The following SERPINE2 variants were observed in gnomAD, a reference collection of about 807,000 sequenced individuals.
SERPINE2 encodes the protein glia-derived nexin.
SERPINE2 carries 14 observed loss-of-function variants against 36.3 expected under a neutral mutation model. The observed-to-expected ratio is 0.39, with a 90% CI of 0.25 to 0.60. SERPINE2 has a LOEUF of 0.60. Ranked by LOEUF, SERPINE2 falls within the 20% of genes least tolerant of loss-of-function variation. The pLI is 0.57. For synonymous variants in SERPINE2, 192 were observed against 191.8 expected (o/e 1.00, Z -0.01); for missense variants, 418 against 499.6 (o/e 0.84, Z 1.56).
intron 4 of SERPINE2, 53 bp from the exon 5 acceptor site, chr2:223,985,003 G>A: frequency 6.5e-7 from 1 of 1,530,352 alleles, no homozygotes; most frequent in East Asian, 2.3e-5. Context: ...CTAGAAGCAG[G>A]ATGAGTGCTT....
chr2:224,031,524 C>T (rs1390541121), intron 1 of SERPINE2: 8 of 985,270 alleles, frequency 8.1e-6, no homozygotes, highest in Middle Eastern at 5.2e-4. Flanking sequence ...CTCCCTCCTC[C>T]GCCCACAGCC....
At chr2:224,031,427 G>C (rs1574852973) in intron 1 of SERPINE2, 1 of 985,598 alleles carries the variant, frequency 1.0e-6, no homozygotes, top group Non-Finnish European at 1.2e-6. Flanking sequence ...GGCAGCTGGG[G>C]AACGCCAGGC....
At chr2:224,032,549 G>A (rs915850324) in intron 1 of SERPINE2, among the ~76,000 whole-genome samples, 3 of 152,146 alleles carry the variant, frequency 2.0e-5, no homozygotes, top group Non-Finnish European at 2.9e-5. Context: ...ATTTGCAGCC[G>A]TAACAGGAAA....
At chr2:224,026,026 G>A (rs1436277171) in intron 1 of SERPINE2, among the ~76,000 whole-genome samples, 1 of 152,204 alleles carries the variant, frequency 6.6e-6, no homozygotes, top group Non-Finnish European at 1.5e-5. Flanking sequence ...TGTTCTTAAT[G>A]AAATAGGAGA....
chr2:223,975,876 G>C lies in SERPINE2; in HGVS notation c.1185C>G (p.Asn395Lys). 5 of 1,596,188 alleles carry C rather than the reference G, an allele frequency of 3.1e-6. No homozygotes were observed. Among genetic ancestry groups the C allele is most frequent in the Non-Finnish European group, 4.3e-6 (5 of 1,168,294 alleles). ...TGAVLFMGQINKP is the reference protein window; with the variant it reads ...TGAVLFMGQIKKP ...TTCTTTTGTATACTCTTCAGGGTTT[G>C]TTTATCTGCCCCATGAATAACACAG... The change falls in exon 9 of 9, where the codon AAC (asparagine) becomes AAG (lysine). Residue 395 changes from asparagine to lysine, a missense_variant. By Grantham distance (94) the Asn-to-Lys change is moderately conservative. Transcript: ENST00000409304.
rs190275896 is a variant in SERPINE2, at chr2:224,011,890, C to T, written c.-22-9968G>A. Among the ~76,000 whole-genome samples, 503 of 152,292 alleles carry T rather than the reference C, an allele frequency of 3.3e-3. 3 individuals are homozygous for T. The highest frequency in any genetic ancestry group is 0.011 in the African/African-American group (474 of 41,550). On this transcript the variant is annotated intron_variant, in intron 1 of 8. Transcript: ENST00000409304. ...CAAATTAAATCTCCAATGGAGGGGA[C>T]ACTGTGGGTGACCTTTTACCAGCTT...
chr2:224,027,944 T>C (rs943258820), intron 1 of SERPINE2, among the ~76,000 whole-genome samples: 1 of 152,192 alleles, frequency 6.6e-6, no homozygotes, highest in Non-Finnish European at 1.5e-5. Flanking sequence ...ACAAGTCTTG[T>C]GGACTCTCTT....
intron 1 of SERPINE2, among the ~76,000 whole-genome samples, chr2:224,025,441 T>C (rs1380925531): frequency 6.6e-6 from 1 of 152,370 alleles, no homozygotes; most frequent in East Asian, 1.9e-4. Flanking sequence ...TGCTTGGATA[T>C]AGGGCATCCC....
chr2:224,008,192 CTG>C (rs1691497394), intron 1 of SERPINE2, among the ~76,000 whole-genome samples: 1 of 152,180 alleles, frequency 6.6e-6, no homozygotes, highest in African/African-American at 2.4e-5. Flanking sequence ...CGGTAGCTGA[CTG>C]TCTCTTTTTG....
chr2:224,015,883 G>T (rs374757556), intron 1 of SERPINE2, among the ~76,000 whole-genome samples: 3 of 152,284 alleles, frequency 2.0e-5, no homozygotes, highest in South Asian at 4.1e-4. Flanking sequence ...CTCCAATCAC[G>T]TATCTGTCAA....
At chr2:224,016,794 A>G (rs915929247) in intron 1 of SERPINE2, among the ~76,000 whole-genome samples, 1 of 152,214 alleles carries the variant, frequency 6.6e-6, no homozygotes, top group Non-Finnish European at 1.5e-5. Context: ...CTCAGTAATA[A>G]AGAGAAATAA....
At chr2:224,006,198 T>C (rs1315217693) in intron 1 of SERPINE2, among the ~76,000 whole-genome samples, 1 of 152,210 alleles carries the variant, frequency 6.6e-6, no homozygotes, top group East Asian at 1.9e-4. Context: ...TGCTCAAATA[T>C]GCAGCTCAAA....
At chr2:224,038,932 T>G in intron 1 of SERPINE2, 167 bp downstream of exon 1, 1 of 165,290 alleles carries the variant, frequency 6.0e-6, no homozygotes, top group Non-Finnish European at 1.3e-5. Flanking sequence ...GCTGAGAAAG[T>G]TCTCTGCTCC....
At chr2:223,981,641 G>A (rs1449179544) in intron 6 of SERPINE2, 2 of 152,184 alleles carry the variant, frequency 1.3e-5, no homozygotes, top group Non-Finnish European at 2.9e-5. Context: ...ACCACTCAAA[G>A]TTATTTGCAA....
chr2:223,985,348 C>A (rs1690385790), intron 4 of SERPINE2, among the ~76,000 whole-genome samples: 1 of 147,566 alleles, frequency 6.8e-6, no homozygotes. Flanking sequence ...TTAAGGTACA[C>A]AATATGACGT....
chr2:224,026,559 A>C (rs1300289216), intron 1 of SERPINE2, among the ~76,000 whole-genome samples: 1 of 152,102 alleles, frequency 6.6e-6, no homozygotes, highest in Non-Finnish European at 1.5e-5. Flanking sequence ...GCGAACTCTT[A>C]ATGATTTTGT....
intron 8 of SERPINE2, among the ~76,000 whole-genome samples, chr2:223,976,846 CTCTG>C (rs1690032548): frequency 6.6e-6 from 1 of 152,196 alleles, no homozygotes; most frequent in Non-Finnish European, 1.5e-5. Flanking sequence ...TATGGTTTGG[CTCTG>C]TGTCTCCACT....
At chr2:224,023,587 T>G (rs1269795519) in intron 1 of SERPINE2, among the ~76,000 whole-genome samples, 2 of 152,220 alleles carry the variant, frequency 1.3e-5, no homozygotes, top group African/African-American at 4.8e-5. Flanking sequence ...ACAGGTAGGT[T>G]CATTTAAGCA....
At chr2:224,034,663 A>G (rs753877296) in intron 1 of SERPINE2, among the ~76,000 whole-genome samples, 2 of 152,148 alleles carry the variant, frequency 1.3e-5, no homozygotes, top group African/African-American at 2.4e-5. Flanking sequence ...GACTCTGGAT[A>G]CCACATGTAA....
Sources: allele counts gnomAD v4.1 joint callset (sites outside exome capture counted in the v4.1 genomes callset), GRCh38; gene constraint gnomAD v4.1.1; transcripts MANE v1.5; gene names NCBI Gene and HGNC (gene_info 2026-07-23, HGNC 2026-07-21).